ANKRD26: variants seen among roughly 807,000 people sequenced by gnomAD.
ANKRD26 encodes ankyrin repeat domain-containing protein 26.
ANKRD26 carries 141 observed loss-of-function variants against 208.7 expected under a neutral mutation model. That is an observed-to-expected ratio of 0.68 (90% CI 0.59 to 0.78). ANKRD26 has a LOEUF of 0.78. Among genes scored for constraint, ANKRD26 ranks in the 30% least tolerant of loss-of-function variants. The probability of loss-of-function intolerance (pLI) is 0.00; values close to 1 mark genes in which losing one functional copy is unlikely to be tolerated. For synonymous variants in ANKRD26, 636 were observed against 660.4 expected (o/e 0.96, Z 0.57); for missense variants, 1,889 against 1,938.7 (o/e 0.97, Z 0.48).
At chr10:27,003,012 T>C (rs1240532360), downstream of ANKRD26, among the ~76,000 whole-genome samples, 2 of 152,258 alleles carry the variant, frequency 1.3e-5, no homozygotes, top group South Asian at 2.1e-4. Flanking sequence ...AGATTAGTGA[T>C]GTTTTTGTGA....
At chr10:27,080,575 A>G (rs1278777188) in intron 6 of ANKRD26, 18 of 948,554 alleles carry the variant, frequency 1.9e-5, no homozygotes, top group Non-Finnish European at 2.3e-5. Flanking sequence ...TGCTGGAGAA[A>G]GAGTCCTGGT....
chr10:27,034,517 C>T (rs561759394), intron 24 of ANKRD26, among the ~76,000 whole-genome samples: 15 of 152,246 alleles, frequency 9.9e-5, no homozygotes, highest in South Asian at 6.2e-4. Context: ...AAAATTATTA[C>T]TTCAGCAGTA....
intron 27 of ANKRD26, 39 bp downstream of exon 27, chr10:27,028,813 T>C (rs1403176777): frequency 1.3e-6 from 2 of 1,513,222 alleles, no homozygotes; most frequent in Non-Finnish European, 1.8e-6. Flanking sequence ...AGCAATAAAA[T>C]TCCTTTTCAG....
intron 32 of ANKRD26, among the ~76,000 whole-genome samples, chr10:27,007,833 A>G (rs1452092961): frequency 6.6e-6 from 1 of 152,120 alleles, no homozygotes; most frequent in Non-Finnish European, 1.5e-5. Context: ...ATATTATCCT[A>G]TCTATATATT....
intron 4 of ANKRD26, among the ~76,000 whole-genome samples, chr10:27,087,953 C>A (rs2056176114): frequency 6.6e-6 from 1 of 151,888 alleles, no homozygotes. Flanking sequence ...GCTAATTTTT[C>A]TTCATTATTT....
chr10:27,024,953 C>T (rs80067554), intron 27 of ANKRD26, among the ~76,000 whole-genome samples: 2,612 of 152,280 alleles, frequency 0.017, 48 homozygotes, highest in African/African-American at 0.039. Context: ...AAACTTTCAT[C>T]TGGTTCCCGT....
chr10:26,970,632 T>A (rs1301856980), downstream of ANKRD26, among the ~76,000 whole-genome samples: 2 of 152,186 alleles, frequency 1.3e-5, no homozygotes, highest in African/African-American at 2.4e-5. Flanking sequence ...CAGTCTCAGG[T>A]ATTTCCTTAT....
At chr10:26,975,402 C>CTTTTT (rs60226106) in exon 6 of ANKRD26, among the ~76,000 whole-genome samples, 1 of 90,484 alleles carries the variant, frequency 1.1e-5, no homozygotes, top group Non-Finnish European at 2.0e-5. Context: ...CTAATTTTTG[C>CTTTTT]TTTTTTTTTT....
intron 20 of ANKRD26, among the ~76,000 whole-genome samples, chr10:27,042,670 G>A (rs1020263090): frequency 6.6e-5 from 10 of 151,766 alleles, no homozygotes; most frequent in African/African-American, 2.2e-4. Context: ...GGAGAATAGC[G>A]TGAACCCAGG....
At chr10:26,991,735 T>C (rs2052491194), downstream of ANKRD26, among the ~76,000 whole-genome samples, 1 of 152,118 alleles carries the variant, frequency 6.6e-6, no homozygotes, top group East Asian at 1.9e-4. Flanking sequence ...ACCAAAGAAA[T>C]ATTTTTAAAA....
At chr10:27,086,682 T>G in intron 4 of ANKRD26, 73 bp from the exon 5 acceptor site, 1 of 1,505,354 alleles carries the variant, frequency 6.6e-7, no homozygotes. Context: ...TCTCAAAATC[T>G]TGAGTATTTC....
chr10:27,001,335 T>C (rs542682692), downstream of ANKRD26, among the ~76,000 whole-genome samples: 1 of 152,194 alleles, frequency 6.6e-6, no homozygotes, highest in African/African-American at 2.4e-5. Flanking sequence ...CATTGTCTCA[T>C]GCCAAAGAAA....
chr10:27,084,872 CAAAAAAAA>C (rs375120568), intron 5 of ANKRD26, among the ~76,000 whole-genome samples: 16 of 99,340 alleles, frequency 1.6e-4, no homozygotes, highest in African/African-American at 5.2e-4. Flanking sequence ...AACTCCATTT[CAAAAAAAA>C]AAAAAAAAAA....
chr10:26,978,470 A>G (rs1228702829), intron 5 of ANKRD26, among the ~76,000 whole-genome samples: 1 of 152,054 alleles, frequency 6.6e-6, no homozygotes, highest in Non-Finnish European at 1.5e-5. Flanking sequence ...AATAATAATA[A>G]AATAAAATAA....
Position 27,040,045 on chromosome 10 carries a change from C to T in ANKRD26, c.2295G>A (p.Arg765=), listed in dbSNP as rs927059699. ...TTATTTCTTTTGTTTCAGATAGCTC[C>T]CTTTGTAGTACATTAACCTTGTCTT... ...KMEDKVNVLQ[R]ELSETKEIKS... Residue 765 remains arginine (R), a synonymous_variant, in exon 21 of 34, where the codon AGG becomes AGA. Coordinates refer to ENST00000376087, the MANE Select transcript of ANKRD26 (RefSeq NM_014915.3). The T allele has an allele frequency of 6.2e-7, 1 of 1,613,472 alleles. No homozygotes were observed. Among genetic ancestry groups the T allele is most frequent in the Non-Finnish European group, 8.5e-7 (1 of 1,179,844 alleles).
At chr10:27,094,516 CA>C (rs953742423) in intron 1 of ANKRD26, among the ~76,000 whole-genome samples, 6 of 152,074 alleles carry the variant, frequency 3.9e-5, no homozygotes, top group Non-Finnish European at 8.8e-5. Flanking sequence ...AAATGGGGAT[CA>C]AAATAGTAGC....
intron 11 of ANKRD26, among the ~76,000 whole-genome samples, chr10:27,065,071 G>A (rs944928784): frequency 1.3e-5 from 2 of 152,056 alleles, no homozygotes; most frequent in African/African-American, 4.8e-5. Context: ...CTAGCCTTTC[G>A]GATGGCTGCT....
intron 1 of ANKRD26, among the ~76,000 whole-genome samples, chr10:27,098,813 T>G (rs936627478): frequency 1.1e-4 from 17 of 152,298 alleles, no homozygotes; most frequent in African/African-American, 3.6e-4. Context: ...CCTCCCGAAG[T>G]GCTGGGATTA....
intron 15 of ANKRD26, among the ~76,000 whole-genome samples, chr10:27,056,959 T>C (rs1473644411): frequency 6.6e-6 from 1 of 152,172 alleles, no homozygotes; most frequent in East Asian, 1.9e-4. Flanking sequence ...CCAATAGTAA[T>C]CTTTCCTTTA....
Sources: allele counts gnomAD v4.1 joint callset (sites outside exome capture counted in the v4.1 genomes callset), GRCh38; gene constraint gnomAD v4.1.1; transcripts MANE v1.5; gene names NCBI Gene and HGNC (gene_info 2026-07-23, HGNC 2026-07-21).